The following PPP1R12B variants were observed in gnomAD, a reference collection of about 807,000 sequenced individuals.
PPP1R12B encodes myosin phosphatase target subunit 2.
PPP1R12B carries 76 observed loss-of-function variants against 126.1 expected under a neutral mutation model. That is an observed-to-expected ratio of 0.60 (90% confidence interval 0.50 to 0.73). The LOEUF (loss-of-function observed/expected upper bound fraction) is 0.73. PPP1R12B is among the 30% of genes least tolerant of loss of function. The pLI is 0.00. For missense variants in PPP1R12B, 1,052 were observed against 1,205.1 expected (o/e 0.87, Z 1.88); for synonymous variants, 356 against 434.7 (o/e 0.82, Z 2.25).
At chr1:202,505,486 T>G (rs1680704817) in intron 18 of PPP1R12B, among the ~76,000 whole-genome samples, 1 of 152,240 alleles carries the variant, frequency 6.6e-6, no homozygotes, top group Non-Finnish European at 1.5e-5. Context: ...GAAACCACTT[T>G]ATCTGCTGGA....
intron 13 of PPP1R12B, among the ~76,000 whole-genome samples, chr1:202,476,682 C>CAA (rs755720362): frequency 3.3e-5 from 4 of 122,426 alleles, no homozygotes; most frequent in Non-Finnish European, 1.7e-5. Context: ...GACTCTGTCT[C>CAA]AAAAAAAAAA....
intron 10 of PPP1R12B, chr1:202,439,412 C>A: frequency 8.0e-7 from 1 of 1,244,888 alleles, no homozygotes; most frequent in Non-Finnish European, 1.2e-6. Context: ...GCACGGAGAC[C>A]GCCCTGTACT....
At chr1:202,526,340 A>T (rs1683346397) in intron 18 of PPP1R12B, among the ~76,000 whole-genome samples, 1 of 152,190 alleles carries the variant, frequency 6.6e-6, no homozygotes. Flanking sequence ...TAAAAGGGAA[A>T]GGGGTAAAGT....
intron 13 of PPP1R12B, among the ~76,000 whole-genome samples, chr1:202,472,769 C>T (rs1483836128): frequency 6.6e-6 from 1 of 152,216 alleles, no homozygotes; most frequent in African/African-American, 2.4e-5. Flanking sequence ...CAGGGATCAG[C>T]AAATGTTTTC....
At chr1:202,462,840 T>G (rs1445995769) in intron 13 of PPP1R12B, 1 of 985,356 alleles carries the variant, frequency 1.0e-6, no homozygotes, top group African/African-American at 1.7e-5. Context: ...TCTGGGAAAG[T>G]TGCTGCACAA....
intron 14 of PPP1R12B, among the ~76,000 whole-genome samples, chr1:202,489,690 G>C (rs1483977204): frequency 6.6e-6 from 1 of 152,176 alleles, no homozygotes; most frequent in East Asian, 1.9e-4. Flanking sequence ...ATTAGTGCCA[G>C]GGCTGGGGGG....
At position 202,586,309 on chromosome 1, in the gene PPP1R12B, A is replaced by C. The variant is rs887430801; in HGVS notation, c.*5749A>C. Reference sequence around the variant, plus strand: ...GAAGTGGAGGTGGCTGTGTGCTGCGATGGGAAGAAGGCAGAAGGCCCAGGG... The same window carrying C: ...GAAGTGGAGGTGGCTGTGTGCTGCGCTGGGAAGAAGGCAGAAGGCCCAGGG... On this transcript the variant is annotated 3_prime_UTR_variant, in exon 24 of 24. Transcript: ENST00000608999. The C allele has an allele frequency of 6.6e-6, 1 of 152,446 alleles. No individual in the cohort carries two copies. Among genetic ancestry groups the C allele is most frequent in the African/African-American group, 2.4e-5 (1 of 41,476 alleles). The allele number at this position is 152,446 out of a possible 1,614,324, so 9.4% of individuals were successfully genotyped here.
intron 18 of PPP1R12B, among the ~76,000 whole-genome samples, chr1:202,534,682 G>T (rs1030595621): frequency 1.4e-4 from 21 of 150,064 alleles, no homozygotes; most frequent in African/African-American, 5.2e-4. Flanking sequence ...CCCCTAACTA[G>T]ACCGAAGTAG....
At chr1:202,443,579 G>T (rs989895616) in intron 12 of PPP1R12B, among the ~76,000 whole-genome samples, 1 of 152,228 alleles carries the variant, frequency 6.6e-6, no homozygotes, top group African/African-American at 2.4e-5. Context: ...CTCAACTTTG[G>T]AAGTATGAAA....
intron 18 of PPP1R12B, among the ~76,000 whole-genome samples, chr1:202,541,766 G>A (rs1213526523): frequency 2.0e-5 from 3 of 152,112 alleles, no homozygotes; most frequent in African/African-American, 7.2e-5. Flanking sequence ...CTTTCTTAGA[G>A]TTAGGTACTG....
chr1:202,570,355 C>T (rs935578203), intron 23 of PPP1R12B, among the ~76,000 whole-genome samples: 2 of 152,012 alleles, frequency 1.3e-5, no homozygotes, highest in African/African-American at 4.8e-5. Context: ...TACACCAGAT[C>T]TGGTGCTCAT....
At position 202,348,899 on chromosome 1, in the gene PPP1R12B, A is replaced by C. The variant is rs1202168765; in HGVS notation, c.48A>C (p.Arg16=). Residue 16 remains arginine (R), a synonymous_variant, in exon 1 of 24, where the codon CGA becomes CGC. Transcript: ENST00000608999. The part of the protein sequence containing the change: ...HLGGKRAESA[R]MRRAEQLRRW... The stretch of plus-strand genomic sequence containing the variant: ...GAGGGAAGCGGGCAGAGTCGGCGCG[A>C]ATGCGGCGGGCAGAGCAGCTTCGGC... 1 of 1,610,660 alleles carries C rather than the reference A, an allele frequency of 6.2e-7. No homozygotes were observed. The highest frequency in any genetic ancestry group is 8.5e-7 in the Non-Finnish European group (1 of 1,179,276).
At chr1:202,567,648 C>A in intron 21 of PPP1R12B, 130 bp from the exon 22 acceptor site, 1 of 895,644 alleles carries the variant, frequency 1.1e-6, no homozygotes, top group Non-Finnish European at 1.7e-6. Context: ...CTGGGGATCC[C>A]TGCTATAGGG....
intron 18 of PPP1R12B, among the ~76,000 whole-genome samples, chr1:202,550,496 A>G (rs1336448534): frequency 6.6e-6 from 1 of 152,026 alleles, no homozygotes; most frequent in East Asian, 1.9e-4. Flanking sequence ...TTTACGATAT[A>G]CTCTATGCTG....
At chr1:202,387,152 C>G (rs1340182713) in intron 1 of PPP1R12B, among the ~76,000 whole-genome samples, 1 of 152,150 alleles carries the variant, frequency 6.6e-6, no homozygotes, top group Non-Finnish European at 1.5e-5. Flanking sequence ...TTGGCCTTTA[C>G]TATAGCCTTT....
At chr1:202,405,283 T>G (rs1254639493) in intron 1 of PPP1R12B, among the ~76,000 whole-genome samples, 6 of 152,202 alleles carry the variant, frequency 3.9e-5, no homozygotes, top group Non-Finnish European at 8.8e-5. Flanking sequence ...ATAGGAGCCC[T>G]GGCCCATTGT....
At chr1:202,456,986 G>A (rs1673725596) in intron 13 of PPP1R12B, among the ~76,000 whole-genome samples, 1 of 152,168 alleles carries the variant, frequency 6.6e-6, no homozygotes, top group African/African-American at 2.4e-5. Context: ...TGTAATAAAA[G>A]TTTTAAATGC....
At chr1:202,503,856 A>G (rs1175528095) in intron 18 of PPP1R12B, among the ~76,000 whole-genome samples, 2 of 151,740 alleles carry the variant, frequency 1.3e-5, no homozygotes, top group South Asian at 4.2e-4. Context: ...GCAATGGTAT[A>G]GGAGACCTGG....
chr1:202,490,633 T>C (rs1019290302), intron 14 of PPP1R12B, among the ~76,000 whole-genome samples: 4 of 152,228 alleles, frequency 2.6e-5, no homozygotes, highest in Non-Finnish European at 5.9e-5. Context: ...CATTAAATAA[T>C]TACTCCCCAT....
Sources: allele counts gnomAD v4.1 joint callset (sites outside exome capture counted in the v4.1 genomes callset), GRCh38; gene constraint gnomAD v4.1.1; transcripts MANE v1.5; gene names NCBI Gene and HGNC (gene_info 2026-07-23, HGNC 2026-07-21).